HDAC4: variants seen among roughly 807,000 people sequenced by gnomAD.
HDAC4 encodes histone deacetylase 4.
HDAC4 carries 16 observed loss-of-function variants against 135.1 expected under a neutral mutation model. The ratio of observed to expected loss-of-function variants is 0.12; its 90% CI spans 0.08 to 0.18. HDAC4 has a LOEUF of 0.18. Among genes scored for constraint, HDAC4 ranks in the 10% least tolerant of loss-of-function variants. HDAC4 has a pLI of 1.00. For synonymous variants in HDAC4, 685 were observed against 653.4 expected, an observed-to-expected ratio of 1.05 and a Z score of -0.74; for missense variants, 1,143 against 1,511.8, an observed-to-expected ratio of 0.76 and a Z score of 4.05.
intron 2 of HDAC4, among the ~76,000 whole-genome samples, chr2:239,244,480 G>C (rs1433776879): frequency 1.3e-5 from 2 of 152,112 alleles, no homozygotes; most frequent in East Asian, 1.9e-4. Context: ...GAATGAAGTG[G>C]GTATCTATTT....
At chr2:239,247,898 C>T (rs895758504) in intron 2 of HDAC4, among the ~76,000 whole-genome samples, 1 of 152,192 alleles carries the variant, frequency 6.6e-6, no homozygotes, top group Admixed American at 6.5e-5. Flanking sequence ...CCAAACCAGA[C>T]CTGAAAGCAC....
At chr2:239,317,540 T>G (rs73100797) in intron 2 of HDAC4, among the ~76,000 whole-genome samples, 1 of 152,136 alleles carries the variant, frequency 6.6e-6, no homozygotes, top group Non-Finnish European at 1.5e-5. Flanking sequence ...AACGCCAGCA[T>G]GAAGGGGCTC....
chr2:239,089,939 G>T, intron 18 of HDAC4, 70 bp downstream of exon 18: 1 of 1,121,960 alleles, frequency 8.9e-7, no homozygotes, highest in Non-Finnish European at 1.4e-6. Flanking sequence ...CGGAGTGGGC[G>T]GCCCCTCCCC....
At chr2:239,110,603 G>A (rs778388071) in intron 14 of HDAC4, among the ~76,000 whole-genome samples, 5 of 152,250 alleles carry the variant, frequency 3.3e-5, no homozygotes, top group African/African-American at 7.2e-5. Flanking sequence ...ATCCTTCTAA[G>A]ACCTGAGAGT....
At chr2:239,125,115 C>T (rs946042116) in intron 12 of HDAC4, among the ~76,000 whole-genome samples, 15 of 152,242 alleles carry the variant, frequency 9.9e-5, no homozygotes, top group African/African-American at 2.7e-4. Flanking sequence ...ACGACTGATA[C>T]GGTTTGGATC....
At chr2:239,357,453 G>GA (rs58332998) in intron 1 of HDAC4, among the ~76,000 whole-genome samples, 36,135 of 145,078 alleles carry the variant, frequency 0.25, 6,049 homozygotes, top group East Asian at 0.78. Flanking sequence ...CTCAAAATAA[G>GA]AAAAAAAAAA....
intron 1 of HDAC4, among the ~76,000 whole-genome samples, chr2:239,375,182 G>A (rs1694919088): frequency 6.6e-6 from 1 of 152,176 alleles, no homozygotes; most frequent in African/African-American, 2.4e-5. Context: ...AGATGTGCCT[G>A]GGGCAGGGCA....
At chr2:239,363,936 A>G (rs1694010161) in intron 1 of HDAC4, among the ~76,000 whole-genome samples, 1 of 152,260 alleles carries the variant, frequency 6.6e-6, no homozygotes, top group Non-Finnish European at 1.5e-5. Flanking sequence ...TTTACAAGAC[A>G]GGATTCCAAG....
At chr2:239,077,718 T>A (rs2034908829) in intron 22 of HDAC4, among the ~76,000 whole-genome samples, 1 of 152,200 alleles carries the variant, frequency 6.6e-6, no homozygotes, top group Non-Finnish European at 1.5e-5. Flanking sequence ...CAGCGTGGTG[T>A]GTGCAGCGGG....
At chr2:239,276,301 G>A (rs1165938926) in intron 2 of HDAC4, among the ~76,000 whole-genome samples, 2 of 152,208 alleles carry the variant, frequency 1.3e-5, no homozygotes, top group East Asian at 1.9e-4. Context: ...GGGAGAAGGC[G>A]TCAAGTCGTG....
chr2:239,070,727 G>A (rs116465153), intron 22 of HDAC4, among the ~76,000 whole-genome samples: 320 of 152,332 alleles, frequency 2.1e-3, no homozygotes, highest in Middle Eastern at 3.4e-3. Flanking sequence ...AGGTGAGGAC[G>A]GTGGAACAGA....
intron 1 of HDAC4, among the ~76,000 whole-genome samples, chr2:239,366,230 G>A (rs1020966539): frequency 1.7e-4 from 26 of 150,128 alleles, no homozygotes; most frequent in African/African-American, 5.6e-4. Flanking sequence ...TCAGGGTCAC[G>A]CGTGTGGCAC....
intron 22 of HDAC4, among the ~76,000 whole-genome samples, chr2:239,075,223 CAAAAAAAAAAA>C (rs67188784): frequency 6.3e-5 from 2 of 31,748 alleles, no homozygotes; most frequent in Admixed American, 4.4e-4. Context: ...GACTCCGTCT[CAAAAAAAAAAA>C]AAAAAAAAAA....
chr2:239,129,983 A>T (rs2040457376), intron 11 of HDAC4, among the ~76,000 whole-genome samples: 1 of 152,204 alleles, frequency 6.6e-6, no homozygotes, highest in Non-Finnish European at 1.5e-5. Context: ...GTCTGCACAC[A>T]CTGGGATTCT....
chr2:239,237,487 G>C (rs1266762516), intron 2 of HDAC4, among the ~76,000 whole-genome samples: 1 of 151,846 alleles, frequency 6.6e-6, no homozygotes, highest in Admixed American at 6.6e-5. Context: ...ACTAAGCGAA[G>C]GAGAGCACCA....
At position 239,285,819 on chromosome 2, in the gene HDAC4, C is replaced by G. The variant is rs191286184; in HGVS notation, c.23-49155G>C. 1.3e-3 allele frequency among the ~76,000 whole-genome samples: 194 copies of G among 152,174 alleles called. No individual in the cohort carries two copies. The highest frequency in any genetic ancestry group is 4.4e-3 in the South Asian group (21 of 4,814). On this transcript the variant is annotated intron_variant, in intron 2 of 26. Transcript: ENST00000543185. This position sits in a 1 kb window ranked among gnomAD's most constrained non-coding sequence, Gnocchi z 4.5. ...TGGAGGACTGCATGGGGGTCAGGAC[C>G]GAGGTGAGCCCAGAGCTGCAGCGTT... is the stretch of plus-strand genomic sequence containing the variant.
chr2:239,080,894 A>G, intron 22 of HDAC4: 2 of 590,582 alleles, frequency 3.4e-6, no homozygotes, highest in East Asian at 2.8e-5. Context: ...AGGGAGCACT[A>G]AGAGCTGATG....
At chr2:239,370,730 C>T (rs1376460874) in intron 1 of HDAC4, among the ~76,000 whole-genome samples, 2 of 152,196 alleles carry the variant, frequency 1.3e-5, no homozygotes, top group Non-Finnish European at 2.9e-5. Flanking sequence ...CTGGAGGAGC[C>T]GAGCAGAGGA....
chr2:239,381,397 C>T (rs1205951697), intron 1 of HDAC4, among the ~76,000 whole-genome samples: 11 of 148,396 alleles, frequency 7.4e-5, no homozygotes, highest in Non-Finnish European at 1.6e-4. Flanking sequence ...AATCGAAACC[C>T]ATTTTTCAAA....
Sources: gnomAD v4.1 joint callset for allele counts (sites outside exome capture counted in the v4.1 genomes callset) on GRCh38, gnomAD v4.1.1 for gene constraint, Gnocchi (gnomAD v3.1) non-coding constraint, MANE v1.5 for transcripts, NCBI Gene and HGNC (gene_info 2026-07-23, HGNC 2026-07-21) for gene names.